RDH13: variants seen among roughly 807,000 people sequenced by gnomAD.
RDH13 encodes retinol dehydrogenase 13 (all-trans and 9-cis).
A neutral mutation model predicts 28.3 loss-of-function variants in RDH13; 35 were observed. That is an observed-to-expected ratio of 1.24 (90% CI 0.95 to 1.64). The LOEUF (loss-of-function observed/expected upper bound fraction) is 1.64, where lower values mean the gene tolerates loss of function less well. Among genes scored for constraint, RDH13 ranks in the 40% most tolerant of loss-of-function variants. RDH13 has a pLI of 0.00. For missense variants in RDH13, 514 were observed against 446.3 expected (o/e 1.15, Z -1.37); for synonymous variants, 229 against 198.5 (o/e 1.15, Z -1.29).
chr19:55,048,535 A>C lies in RDH13; in HGVS notation c.452T>G (p.Phe151Cys). Residue 151 changes from phenylalanine to cysteine, a missense_variant, in exon 5 of 7, where the codon TTT (phenylalanine) becomes TGT (cysteine). By Grantham distance (205) the Phe-to-Cys change is radical. Coordinates refer to ENST00000415061, the MANE Select transcript of RDH13 (RefSeq NM_001145971.2). ...GTCCAGCAGCAAGTTTGTCAAGAGA[A>C]AGTGACCTGGATTAAGGATGATGAA... ...MQFGVNHLGH[F>C]LLTNLLLDKL... 6.2e-7 allele frequency: 1 copy of C among 1,614,144 alleles called. No individual in the cohort carries two copies.
upstream of RDH13, among the ~76,000 whole-genome samples, chr19:55,068,092 T>G (rs2075991912): frequency 7.3e-6 from 1 of 136,550 alleles, no homozygotes. Context: ...CTTCCTCTCT[T>G]TCTCCTCTCA....
rs1184328563 is a variant in RDH13 at position 55,063,024 on chromosome 19, G to A, written c.9C>T (p.Arg3=). The change falls in exon 1 of 7, where the codon CGC becomes CGT. Residue 3 remains arginine (R), a synonymous_variant. Coordinates refer to ENST00000415061, the MANE Select transcript of RDH13 (RefSeq NM_001145971.2). The part of the protein sequence containing the change: MS[R]YLLPLSALGT... ...CCAGCGCCGACAGCGGCAGCAGGTA[G>A]CGGCTCATGCCGGGCCGGGGACAGG... 2.1e-5 allele frequency: 30 copies of A among 1,446,566 alleles called. No homozygotes were observed. The highest frequency in any genetic ancestry group is 2.5e-5 in the Non-Finnish European group (28 of 1,101,488). 89.6% of individuals were successfully genotyped at this position (1,446,566 alleles called of 1,614,324 possible). A position where few individuals can be genotyped will look rare whatever the true frequency, so the allele number is the denominator to read the frequency against.
intron 3 of RDH13, among the ~76,000 whole-genome samples, chr19:55,052,787 A>G (rs541290959): frequency 8.5e-4 from 128 of 151,196 alleles, no homozygotes; most frequent in African/African-American, 2.8e-3. Flanking sequence ...TCAGCCTCCC[A>G]AGTAGCTGGG....
In RDH13 at chr19:55,047,490, TG is replaced by T. The variant is rs749858057; in HGVS notation, c.659-3del. 3.4e-5 allele frequency: 55 copies of T among 1,603,870 alleles called. No homozygotes were observed. The highest frequency in any genetic ancestry group is 6.7e-5 in the Admixed American group (4 of 59,626). ...GGGCGTTGACAGTCACACCAGAGCC[TG>T]GGGAAGAAAGAAAGAGAAGACTGAG... is the stretch of plus-strand genomic sequence containing the variant. On this transcript the variant is annotated splice_polypyrimidine_tract_variant and splice_region_variant and intron_variant, in intron 5 of 6. Transcript: ENST00000415061.
rs761453025 is a variant in RDH13, at chr19:55,056,658, A to G, written c.335T>C (p.Ile112Thr). Residue 112 changes from isoleucine (I) to threonine (T), a missense_variant, in exon 3 of 7, where the codon ATT becomes ACT. By Grantham distance (89) the Ile-to-Thr change is moderately conservative. Transcript: ENST00000415061. Reference sequence around the variant, plus strand: ...CATGGCCAGCGTTCTCCTACCTTCAATGATCTTTGCTGCAAACTCTCGGAT... The same window carrying G: ...CATGGCCAGCGTTCTCCTACCTTCAGTGATCTTTGCTGCAAACTCTCGGAT... Reference protein sequence around the residue: ...KSIREFAAKIIEEEERVDILI... With the variant: ...KSIREFAAKITEEEERVDILI... 1.4e-5 allele frequency: 23 copies of G among 1,613,744 alleles called. No individual in the cohort carries two copies. The highest frequency in any genetic ancestry group is 4.0e-5 in the African/African-American group (3 of 74,808).
intron 1 of RDH13, among the ~76,000 whole-genome samples, chr19:55,059,824 G>A (rs1292978496): frequency 6.6e-6 from 1 of 152,186 alleles, no homozygotes; most frequent in South Asian, 2.1e-4. Flanking sequence ...CTTTGACCCA[G>A]CCACTTTGAC....
At chr19:55,067,665 A>T (rs2075984285), upstream of RDH13, 1 of 152,268 alleles carries the variant, frequency 6.6e-6, no homozygotes, top group South Asian at 2.1e-4. Flanking sequence ...TGTCACGGGC[A>T]GATACATGTT....
At chr19:55,048,274 G>A in intron 5 of RDH13, 55 bp downstream of exon 5, 4 of 1,606,726 alleles carry the variant, frequency 2.5e-6, no homozygotes, top group Non-Finnish European at 2.5e-6. Flanking sequence ...TCATGGAAAG[G>A]CCGCTCTAGG....
At chr19:55,051,365 A>G (rs985639860) in intron 3 of RDH13, among the ~76,000 whole-genome samples, 1 of 151,546 alleles carries the variant, frequency 6.6e-6, no homozygotes, top group Non-Finnish European at 1.5e-5. Flanking sequence ...GGACAGGGAG[A>G]CTCCACTCAC....
In RDH13 at chr19:55,056,639, C is replaced by T. The variant is rs757290802; in HGVS notation, c.340+14G>A. 5 of 1,613,572 alleles carry T rather than the reference C, an allele frequency of 3.1e-6. No homozygotes were observed. The highest frequency in any genetic ancestry group is 1.7e-6 in the Non-Finnish European group (2 of 1,179,756). ...TATCCCAGTCCTCATCCCACATGGC[C>T]AGCGTTCTCCTACCTTCAATGATCT... On this transcript the variant is annotated intron_variant, in intron 3 of 6. Coordinates refer to ENST00000415061, the MANE Select transcript of RDH13 (RefSeq NM_001145971.2).
At chr19:55,060,741 C>T (rs573950307) in intron 1 of RDH13, among the ~76,000 whole-genome samples, 3 of 152,142 alleles carry the variant, frequency 2.0e-5, no homozygotes, top group African/African-American at 4.8e-5. Flanking sequence ...GGCTGAGGCA[C>T]GAGAATTGCT....
upstream of RDH13, among the ~76,000 whole-genome samples, chr19:55,066,489 T>TTC (rs542504675): frequency 1.2e-5 from 1 of 80,772 alleles, no homozygotes; most frequent in African/African-American, 5.4e-5. Flanking sequence ...CTGTCCTCTT[T>TTC]TCTCTCTCTC....
At chr19:55,057,318 G>A (rs1238890954) in intron 2 of RDH13, among the ~76,000 whole-genome samples, 1 of 152,132 alleles carries the variant, frequency 6.6e-6, no homozygotes, top group Admixed American at 6.6e-5. Context: ...TGATTTTAAA[G>A]ATGGTTGCAT....
At chr19:55,062,206 T>C (rs916617056) in intron 1 of RDH13, among the ~76,000 whole-genome samples, 1 of 140,276 alleles carries the variant, frequency 7.1e-6, no homozygotes, top group African/African-American at 2.6e-5. Flanking sequence ...GATTAGGACG[T>C]GGACCCCTCT....
chr19:55,059,867 T>C (rs1253523752), intron 1 of RDH13, among the ~76,000 whole-genome samples: 1 of 152,194 alleles, frequency 6.6e-6, no homozygotes, highest in Non-Finnish European at 1.5e-5. Flanking sequence ...CTGTGTTGTA[T>C]GAAATCAAGG....
In RDH13 at chr19:55,045,110, C is replaced by G. The variant is rs772381700; in HGVS notation, c.960G>C (p.Glu320Asp). The change falls in exon 7 of 7, where the codon GAG (glutamate) becomes GAC (aspartate). Residue 320 changes from glutamate (E) to aspartate (D), a missense_variant. Physicochemically the swap from Glu to Asp is conservative, Grantham distance 45. Coordinates refer to ENST00000415061, the MANE Select transcript of RDH13 (RefSeq NM_001145971.2). Reference sequence around the variant, plus strand: ...GGGGCTGCTCCCTCACAGAGGGAGCCTCTAAGCCCACCAGGCGGGCACTTT... The same window carrying G: ...GGGGCTGCTCCCTCACAGAGGGAGCGTCTAAGCCCACCAGGCGGGCACTTT... Reference protein sequence around the residue: ...WAESARLVGLEAPSVREQPLP... With the variant: ...WAESARLVGLDAPSVREQPLP... 1 of 1,612,934 alleles carries G rather than the reference C, an allele frequency of 6.2e-7. No individual in the cohort carries two copies. Among genetic ancestry groups the G allele is most frequent in the Non-Finnish European group, 8.5e-7 (1 of 1,179,784 alleles).
intron 3 of RDH13, chr19:55,053,607 A>T (rs1270569199): frequency 6.6e-6 from 1 of 150,478 alleles, no homozygotes; most frequent in East Asian, 2.0e-4. Flanking sequence ...GAGTGAGCCG[A>T]GATGTGCCAC....
Position 55,045,091 on chromosome 19 carries a change from G to T in RDH13, c.979C>A (p.Gln327Lys). The T allele has an allele frequency of 1.9e-6, 3 of 1,605,982 alleles. No homozygotes were observed. The highest frequency in any genetic ancestry group is 2.6e-6 in the Non-Finnish European group (3 of 1,176,358). ...TCCAGAGGTTATCTGGGGAGGGGCT[G>T]CTCCCTCACAGAGGGAGCCTCTAAG... is the stretch of plus-strand genomic sequence containing the variant. Reference protein sequence around the residue: ...VGLEAPSVREQPLPR With the variant: ...VGLEAPSVREKPLPR Residue 327 changes from glutamine to lysine, a missense_variant, in exon 7 of 7, where the codon CAG becomes AAG. Physicochemically the swap from Gln to Lys is moderately conservative, Grantham distance 53. Transcript: ENST00000415061.
At chr19:55,048,035 T>C (rs551046757) in intron 5 of RDH13, 1 of 1,450,186 alleles carries the variant, frequency 6.9e-7, no homozygotes, top group African/African-American at 1.4e-5. Context: ...CTGCCCCTGG[T>C]TGAGACTCAC....
Sources: allele counts gnomAD v4.1 joint callset (sites outside exome capture counted in the v4.1 genomes callset), GRCh38; gene constraint gnomAD v4.1.1; transcripts MANE v1.5; gene names NCBI Gene and HGNC (gene_info 2026-07-23, HGNC 2026-07-21).